Variants in FOXP1 observed in about 807,000 individuals in gnomAD.
FOXP1 encodes forkhead box P1, also known as forkhead box protein P1.
FOXP1 carries 15 observed loss-of-function variants against 98.2 expected under a neutral mutation model. The ratio of observed to expected loss-of-function variants is 0.15; its 90% CI spans 0.10 to 0.24. The LOEUF is 0.24. Among genes scored for constraint, FOXP1 ranks in the 10% least tolerant of loss-of-function variants. The probability of loss-of-function intolerance (pLI) is 1.00; values close to 1 mark genes in which losing one functional copy is unlikely to be tolerated. For missense variants in FOXP1, 633 were observed against 848.5 expected (o/e 0.75, Z 3.15); for synonymous variants, 371 against 314.5 (o/e 1.18, Z -1.90).
chr3:71,233,694 C>T lies in FOXP1; in HGVS notation c.-11-35302G>A, dbSNP rs551318880. 2.6e-5 allele frequency among the ~76,000 whole-genome samples: 4 copies of T among 151,720 alleles called. No homozygotes were observed. The East Asian group carries it at 5.8e-4, about 22-fold the overall frequency. On this transcript the variant is annotated intron_variant, in intron 5 of 20. Coordinates refer to ENST00000649528, the MANE Select transcript of FOXP1 (RefSeq NM_001349338.3). ...CTGCCTGCCTCGGCCTCGCACCCCC[C>T]CAGCTGGTGCTATAGTTTTATACAT...
chr3:71,327,232 T>C (rs1366774882), intron 4 of FOXP1, among the ~76,000 whole-genome samples: 1 of 151,414 alleles, frequency 6.6e-6, no homozygotes, highest in Non-Finnish European at 1.5e-5. Flanking sequence ...GATGGATCAA[T>C]GAGGGAAATG....
At position 71,119,531 on chromosome 3, in the gene FOXP1, G is replaced by A. The variant is rs571400880; in HGVS notation, c.181-6894C>T. On this transcript the variant is annotated intron_variant, in intron 6 of 20. Coordinates refer to ENST00000649528, the MANE Select transcript of FOXP1 (RefSeq NM_001349338.3). The stretch of plus-strand genomic sequence containing the variant: ...GTAAAAAAAAAGAAAAGCAGCATAG[G>A]AACATTAGTAGGAAAGGAGTCGTGT... 7.6e-4 allele frequency among the ~76,000 whole-genome samples: 115 copies of A among 152,270 alleles called. 1 individual carries two copies. The highest frequency in any genetic ancestry group is 6.9e-3 in the Admixed American group (105 of 15,292).
chr3:71,141,214 G>A (rs552610886), intron 6 of FOXP1, among the ~76,000 whole-genome samples: 1 of 143,130 alleles, frequency 7.0e-6, no homozygotes, highest in Admixed American at 7.2e-5. Context: ...GTTGCAGTGA[G>A]CCAAGATGGC....
intron 12 of FOXP1, among the ~76,000 whole-genome samples, chr3:71,011,831 T>C (rs896784178): frequency 5.3e-5 from 8 of 152,178 alleles, no homozygotes; most frequent in Admixed American, 3.9e-4. Context: ...TGGTTTCCTA[T>C]ACAAGTGCCA....
intron 18 of FOXP1, chr3:70,971,725 G>C (rs556987466): frequency 1.4e-5 from 4 of 287,672 alleles, no homozygotes; most frequent in African/African-American, 8.7e-5. Flanking sequence ...GGGGAGAGAG[G>C]GGGGATTATG....
At chr3:71,506,378 G>A (rs987989211) in intron 2 of FOXP1, among the ~76,000 whole-genome samples, 1 of 152,162 alleles carries the variant, frequency 6.6e-6, no homozygotes, top group Admixed American at 6.5e-5. Context: ...AGGGCAAGTG[G>A]TAGTTTTACA....
intron 5 of FOXP1, among the ~76,000 whole-genome samples, chr3:71,293,710 A>G (rs2072999805): frequency 6.6e-6 from 1 of 152,190 alleles, no homozygotes; most frequent in Admixed American, 6.5e-5. Context: ...CTAACATTCA[A>G]GAGAGACAGC....
intron 14 of FOXP1, among the ~76,000 whole-genome samples, chr3:70,979,757 G>A (rs1425061706): frequency 1.4e-5 from 2 of 145,240 alleles, no homozygotes; most frequent in Admixed American, 7.1e-5. Context: ...GGGAAGACTC[G>A]ACCTTTACTC....
intron 11 of FOXP1, among the ~76,000 whole-genome samples, chr3:71,025,767 A>G (rs941353354): frequency 1.3e-5 from 2 of 152,206 alleles, no homozygotes; most frequent in African/African-American, 2.4e-5. Context: ...TGTTTACCAG[A>G]TATTACACTG....
intron 2 of FOXP1, among the ~76,000 whole-genome samples, chr3:71,569,741 G>A (rs1039886172): frequency 6.6e-6 from 1 of 151,674 alleles, no homozygotes; most frequent in African/African-American, 2.4e-5. Flanking sequence ...ATATCATTAC[G>A]ATCCTAATGG....
At chr3:71,050,497 A>C (rs1576438148) in intron 9 of FOXP1, among the ~76,000 whole-genome samples, 1 of 152,252 alleles carries the variant, frequency 6.6e-6, no homozygotes, top group Non-Finnish European at 1.5e-5. Context: ...CTTTGAAAAG[A>C]AAGAAGCACA....
At chr3:71,276,279 C>T (rs1298879785) in intron 5 of FOXP1, 1 of 152,068 alleles carries the variant, frequency 6.6e-6, no homozygotes, top group African/African-American at 2.4e-5. Context: ...AAGCCTAAGT[C>T]GTTCTGAGTA....
At chr3:71,086,983 A>G (rs1229741172) in intron 7 of FOXP1, among the ~76,000 whole-genome samples, 1 of 152,212 alleles carries the variant, frequency 6.6e-6, no homozygotes, top group East Asian at 1.9e-4. Context: ...GTGTGTTCAC[A>G]GATGGAAACT....
At position 71,275,546 on chromosome 3, in the gene FOXP1, G is replaced by A. The variant is rs183077393; in HGVS notation, c.-12+24274C>T. On this transcript the variant is annotated intron_variant, in intron 5 of 20. Coordinates refer to ENST00000649528, the MANE Select transcript of FOXP1 (RefSeq NM_001349338.3). ...CCTTTTACTTTTCTTAATTTGTTTT[G>A]TTTTGGCAGTTTTCTGATAGGTTCA... Among the ~76,000 whole-genome samples the A allele has an allele frequency of 5.6e-3, 856 of 152,244 alleles. 11 individuals are homozygous for A. Among genetic ancestry groups the A allele is most frequent in the African/African-American group, 0.02 (827 of 41,540 alleles).
intron 5 of FOXP1, among the ~76,000 whole-genome samples, chr3:71,269,089 G>GTT (rs1046427522): frequency 2.2e-5 from 3 of 135,012 alleles, no homozygotes; most frequent in East Asian, 2.4e-4. Flanking sequence ...TCAGAGTGGG[G>GTT]TTTTTTTTGT....
At chr3:71,091,488 T>TCAAAACAAAACAAAACAAAA (rs3064143) in intron 7 of FOXP1, among the ~76,000 whole-genome samples, 1 of 150,010 alleles carries the variant, frequency 6.7e-6, no homozygotes, top group African/African-American at 2.5e-5. Context: ...AGACTCCGTC[T>TCAAAACAAAACAAAACAAAA]CAAAACAAAA....
chr3:71,506,191 C>T (rs535734752), intron 2 of FOXP1, among the ~76,000 whole-genome samples: 4 of 152,294 alleles, frequency 2.6e-5, no homozygotes, highest in South Asian at 2.1e-4. Context: ...CAGTTGGCTT[C>T]GGCAGTGTTG....
intron 5 of FOXP1, among the ~76,000 whole-genome samples, chr3:71,242,576 T>C (rs1055910420): frequency 1.3e-5 from 2 of 152,228 alleles, no homozygotes; most frequent in Admixed American, 1.3e-4. Flanking sequence ...GTTATAACCA[T>C]TTAATGTCAG....
intron 17 of FOXP1, among the ~76,000 whole-genome samples, chr3:70,973,835 G>GCCCCCCCCCCCCCCCCCCC (rs56950015): frequency 4.4e-4 from 16 of 36,728 alleles, no homozygotes; most frequent in South Asian, 2.0e-3. Context: ...TTTGCACACC[G>GCCCCCCCCCCCCCCCCCCC]CCCCCCCCCC....
Sources: allele counts gnomAD v4.1 joint callset (sites outside exome capture counted in the v4.1 genomes callset), GRCh38; gene constraint gnomAD v4.1.1; transcripts MANE v1.5; gene names NCBI Gene and HGNC (gene_info 2026-07-23, HGNC 2026-07-21).